LIMD1: variants seen among roughly 807,000 people sequenced by gnomAD.
The protein encoded by LIMD1 is LIM domain containing 1.
LIMD1 carries 23 observed loss-of-function variants against 58.4 expected under a neutral mutation model. That is an observed-to-expected ratio of 0.39 (90% CI 0.28 to 0.56). LIMD1 has a LOEUF of 0.56. Among genes scored for constraint, LIMD1 ranks in the 20% least tolerant of loss-of-function variants. LIMD1 has a pLI of 0.57. For synonymous variants in LIMD1, 334 were observed against 345.5 expected (o/e 0.97, Z 0.37); for missense variants, 838 against 855.5 (o/e 0.98, Z 0.25).
At position 45,677,562 on chromosome 3, in the gene LIMD1, T is replaced by C. The variant is rs1697687546; in HGVS notation, c.*503T>C. 1 of 152,718 alleles carries C rather than the reference T, an allele frequency of 6.5e-6. No homozygotes were observed. Among genetic ancestry groups the C allele is most frequent in the Non-Finnish European group, 1.5e-5 (1 of 68,382 alleles). The allele number at this position is 152,718 out of a possible 1,614,324, so 9.5% of individuals were successfully genotyped here. On this transcript the variant is annotated 3_prime_UTR_variant, in exon 8 of 8. Transcript: ENST00000273317. The stretch of plus-strand genomic sequence containing the variant: ...CTTCTTTTCACCTGAGAGCTTCAGT[T>C]CTTCTGCAGAATGGCTGCAAATTTA...
At chr3:45,654,493 A>AT (rs1189300063) in intron 2 of LIMD1, among the ~76,000 whole-genome samples, 1 of 152,074 alleles carries the variant, frequency 6.6e-6, no homozygotes, top group Non-Finnish European at 1.5e-5. Flanking sequence ...TATCAGATGC[A>AT]TTTTTCTCTT....
intron 1 of LIMD1, chr3:45,632,632 A>G (rs1049389489): frequency 6.2e-6 from 5 of 805,134 alleles, no homozygotes; most frequent in South Asian, 5.7e-5. Flanking sequence ...TTCCTTGAGC[A>G]CTTGCGGAGG....
chr3:45,665,613 T>C, intron 2 of LIMD1, 37 bp from the exon 3 acceptor site: 1 of 1,575,936 alleles, frequency 6.3e-7, no homozygotes, highest in Non-Finnish European at 8.7e-7. Context: ...ATTAAAATTT[T>C]TCTTTTTTTA....
chr3:45,680,340 C>A lies in LIMD1; in HGVS notation c.*3281C>A, dbSNP rs577016969. On this transcript the variant is annotated 3_prime_UTR_variant, in exon 8 of 8. Coordinates refer to ENST00000273317, the MANE Select transcript of LIMD1 (RefSeq NM_014240.3). The stretch of plus-strand genomic sequence containing the variant: ...TTTTCTTTTTTTTTTTGAGACAGGG[C>A]CTCACTCTGTTGCCCAGGCTGGAGT... 6 of 152,048 alleles carry A rather than the reference C, an allele frequency of 3.9e-5. No homozygotes were observed. Among genetic ancestry groups the A allele is most frequent in the African/African-American group, 1.4e-4 (6 of 41,462 alleles). The allele number at this position is 152,048 out of a possible 1,614,324, so 9.4% of individuals were successfully genotyped here.
chr3:45,635,243 A>G (rs1201643385), intron 1 of LIMD1, among the ~76,000 whole-genome samples: 1 of 152,128 alleles, frequency 6.6e-6, no homozygotes, highest in South Asian at 2.1e-4. Flanking sequence ...GTCTCAAAAA[A>G]AAGTTCTCTC....
At chr3:45,676,148 A>G (rs79641657) in intron 7 of LIMD1, among the ~76,000 whole-genome samples, 1,774 of 152,256 alleles carry the variant, frequency 0.012, 50 homozygotes, top group African/African-American at 0.04. Context: ...AGGCTGAGAC[A>G]GGAGAATTCC....
At chr3:45,670,393 A>G (rs917027474) in intron 4 of LIMD1, among the ~76,000 whole-genome samples, 11 of 150,528 alleles carry the variant, frequency 7.3e-5, no homozygotes, top group Non-Finnish European at 1.6e-4. Flanking sequence ...CTTATTTATC[A>G]TCATGCTTCA....
intron 1 of LIMD1, 91 bp from the exon 2 acceptor site, chr3:45,636,059 G>C (rs1701784813): frequency 1.3e-6 from 2 of 1,575,302 alleles, no homozygotes; most frequent in South Asian, 2.4e-5. Flanking sequence ...CCATGGGGAG[G>C]GATGGTATTA....
intron 2 of LIMD1, among the ~76,000 whole-genome samples, chr3:45,651,699 C>T (rs917636940): frequency 4.9e-4 from 75 of 151,888 alleles, no homozygotes; most frequent in African/African-American, 1.7e-3. Flanking sequence ...GTGGCATGAT[C>T]TCAGCTCAGT....
At chr3:45,639,035 T>C (rs1028268031) in intron 2 of LIMD1, among the ~76,000 whole-genome samples, 13 of 152,076 alleles carry the variant, frequency 8.5e-5, no homozygotes, top group African/African-American at 3.1e-4. Flanking sequence ...GCCCAGCTAA[T>C]GGTTTAAAAT....
chr3:45,632,754 C>T (rs969931874), intron 1 of LIMD1, among the ~76,000 whole-genome samples: 1 of 152,202 alleles, frequency 6.6e-6, no homozygotes, highest in Non-Finnish European at 1.5e-5. Flanking sequence ...TGCCCAGTGG[C>T]AGATGCACCA....
chr3:45,611,593 A>G (rs375187389), intron 1 of LIMD1, among the ~76,000 whole-genome samples: 1 of 152,286 alleles, frequency 6.6e-6, no homozygotes, highest in East Asian at 1.9e-4. Flanking sequence ...GGCTACTGGG[A>G]TGCCTATGTC....
chr3:45,625,970 T>C (rs1315548276), intron 1 of LIMD1, among the ~76,000 whole-genome samples: 1 of 152,192 alleles, frequency 6.6e-6, no homozygotes, highest in Admixed American at 6.5e-5. Flanking sequence ...GTTTGACTAA[T>C]ATGAGGAGAC....
intron 1 of LIMD1, among the ~76,000 whole-genome samples, chr3:45,618,851 T>C (rs1043780476): frequency 2.0e-5 from 3 of 152,172 alleles, no homozygotes; most frequent in African/African-American, 7.2e-5. Flanking sequence ...GTCTTGCCGC[T>C]GGGACCCACC....
chr3:45,655,610 A>G (rs565764054), intron 2 of LIMD1, among the ~76,000 whole-genome samples: 1 of 152,314 alleles, frequency 6.6e-6, no homozygotes, highest in African/African-American at 2.4e-5. Flanking sequence ...ACTTAACTAG[A>G]AATGCAGAGT....
At chr3:45,631,770 G>A (rs1575352412) in intron 1 of LIMD1, among the ~76,000 whole-genome samples, 2 of 152,202 alleles carry the variant, frequency 1.3e-5, no homozygotes, top group Admixed American at 1.3e-4. Context: ...GAGCATCCAC[G>A]TGAAGACGCT....
chr3:45,595,018 G>T lies in LIMD1; in HGVS notation c.139G>T (p.Val47Leu). 1 of 1,613,966 alleles carries T rather than the reference G, an allele frequency of 6.2e-7. No individual in the cohort carries two copies. The highest frequency in any genetic ancestry group is 8.5e-7 in the Non-Finnish European group (1 of 1,180,022). The change falls in exon 1 of 8, where the codon GTG becomes TTG. Residue 47 changes from valine to leucine, a missense_variant. Physicochemically the swap from Val to Leu is conservative, Grantham distance 32. This residue lies in a region of LIMD1 where 659 missense variants were observed against 639.8 expected (regional missense o/e 1.03). Transcript: ENST00000273317. Reference sequence around the variant, plus strand: ...CCCCGAGTTTGAGGAAACTCGCAGGGTGTTCGCCACCAAGATGGCCAAAAT... The same window carrying T: ...CCCCGAGTTTGAGGAAACTCGCAGGTTGTTCGCCACCAAGATGGCCAAAAT... ...NNPEFEETRRVFATKMAKIHL... is the reference protein window; with the variant it reads ...NNPEFEETRRLFATKMAKIHL...
chr3:45,622,826 C>T (rs1341302816), intron 1 of LIMD1, among the ~76,000 whole-genome samples: 1 of 152,028 alleles, frequency 6.6e-6, no homozygotes, highest in Non-Finnish European at 1.5e-5. Flanking sequence ...GGCTACTGCA[C>T]CTGGCTAATT....
intron 2 of LIMD1, among the ~76,000 whole-genome samples, chr3:45,663,232 G>A (rs952175236): frequency 1.2e-4 from 18 of 152,102 alleles, no homozygotes; most frequent in African/African-American, 4.3e-4. Flanking sequence ...CACTGAAGAC[G>A]CTTCTAGTTT....
Sources: allele counts gnomAD v4.1 joint callset (sites outside exome capture counted in the v4.1 genomes callset), GRCh38; gene constraint gnomAD v4.1.1; regional missense constraint gnomAD v4.1.1; transcripts MANE v1.5; gene names NCBI Gene and HGNC (gene_info 2026-07-23, HGNC 2026-07-21).